HDAC9: variants seen among roughly 807,000 people sequenced by gnomAD.
HDAC9 encodes MEF-2 interacting transcription repressor (MITR) protein.
Under a neutral mutation model 139.4 loss-of-function variants are expected in HDAC9, and 41 were observed. That is an observed-to-expected ratio of 0.29 (90% CI 0.23 to 0.38). HDAC9 has a LOEUF of 0.38. Among genes scored for constraint, HDAC9 ranks in the 10% least tolerant of loss-of-function variants. The pLI, the probability that HDAC9 is intolerant of heterozygous loss-of-function variation, is 1.00. For missense variants in HDAC9, 1,147 were observed against 1,297.0 expected (o/e 0.88, Z 1.78); for synonymous variants, 517 against 476.2 (o/e 1.09, Z -1.12).
intron 2 of HDAC9, among the ~76,000 whole-genome samples, chr7:18,541,927 G>C (rs948725789): frequency 7.2e-5 from 11 of 152,090 alleles, no homozygotes; most frequent in African/African-American, 2.7e-4. Flanking sequence ...ACTTCCTACA[G>C]ATATATCCAT....
chr7:18,959,012 C>A (rs1178927292), intron 24 of HDAC9, among the ~76,000 whole-genome samples: 4 of 152,090 alleles, frequency 2.6e-5, no homozygotes, highest in Non-Finnish European at 5.9e-5. Flanking sequence ...ACGAGTCAGC[C>A]CAGAGTGAGA....
At chr7:18,144,618 A>G (rs1185797916) in intron 1 of HDAC9, among the ~76,000 whole-genome samples, 1 of 151,908 alleles carries the variant, frequency 6.6e-6, no homozygotes, top group Non-Finnish European at 1.5e-5. Flanking sequence ...TTTTCCCTAA[A>G]AGTTAACCCT....
intron 12 of HDAC9, among the ~76,000 whole-genome samples, chr7:18,685,406 A>G (rs565177929): frequency 3.3e-5 from 5 of 151,928 alleles, no homozygotes; most frequent in African/African-American, 7.2e-5. Flanking sequence ...TAGGTGTTCT[A>G]TGCCTCAGTT....
chr7:18,579,096 C>G (rs973472035), intron 2 of HDAC9, among the ~76,000 whole-genome samples: 10 of 152,116 alleles, frequency 6.6e-5, no homozygotes, highest in Admixed American at 5.9e-4. Flanking sequence ...TGGTATTGAT[C>G]AGAGTTTTAG....
At chr7:18,383,978 A>T (rs557726482) in intron 1 of HDAC9, among the ~76,000 whole-genome samples, 7 of 151,160 alleles carry the variant, frequency 4.6e-5, no homozygotes, top group African/African-American at 1.7e-4. Flanking sequence ...TACAAAACAT[A>T]CTGGGTATGT....
intron 1 of HDAC9, among the ~76,000 whole-genome samples, chr7:18,420,485 G>A (rs932808357): frequency 1.3e-5 from 2 of 152,138 alleles, no homozygotes; most frequent in Non-Finnish European, 2.9e-5. Flanking sequence ...TTTAGTTACA[G>A]CATTGTATCA....
intron 11 of HDAC9, among the ~76,000 whole-genome samples, chr7:18,656,325 T>C (rs1376347434): frequency 6.6e-6 from 1 of 152,096 alleles, no homozygotes; most frequent in Admixed American, 6.6e-5. Flanking sequence ...ATGGAATAAT[T>C]GATGATGTTC....
intron 1 of HDAC9, among the ~76,000 whole-genome samples, chr7:18,152,726 G>A (rs534136992): frequency 8.2e-4 from 125 of 152,312 alleles, no homozygotes; most frequent in Middle Eastern, 3.4e-3. Flanking sequence ...TTACATTCAA[G>A]CAGAGCTAAC....
rs1562482490 is a variant in HDAC9, at chr7:18,590,384, A to C, written c.313A>C (p.Lys105Gln). The change falls in exon 4 of 26, where the codon AAG becomes CAG. Residue 105 changes from lysine (K) to glutamine (Q), a missense_variant. By Grantham distance (53) the Lys-to-Gln change is moderately conservative. Transcript: ENST00000686413. ...AIKQQQELLEKEQKLEQQRQE... is the reference protein window; with the variant it reads ...AIKQQQELLEQEQKLEQQRQE... ...AAAACAGCAACAAGAACTCCTAGAA[A>C]AGGAGCAGAAACTGGAGCAGCAGAG... 1.2e-6 allele frequency: 2 copies of C among 1,611,702 alleles called. No individual in the cohort carries two copies. Among genetic ancestry groups the C allele is most frequent in the Non-Finnish European group, 1.7e-6 (2 of 1,178,848 alleles).
intron 22 of HDAC9, among the ~76,000 whole-genome samples, chr7:18,896,463 A>G (rs1801207974): frequency 6.6e-6 from 1 of 152,096 alleles, no homozygotes; most frequent in African/African-American, 2.4e-5. Flanking sequence ...CTGGCACCAC[A>G]TAACTAACCA....
intron 1 of HDAC9, among the ~76,000 whole-genome samples, chr7:18,369,127 C>T (rs771575896): frequency 3.3e-5 from 5 of 151,924 alleles, no homozygotes; most frequent in Non-Finnish European, 2.9e-5. Context: ...AAAGTATTTC[C>T]ACATATCTCT....
chr7:18,654,391 C>T (rs1035981093), intron 11 of HDAC9, among the ~76,000 whole-genome samples: 3 of 152,144 alleles, frequency 2.0e-5, no homozygotes, highest in Admixed American at 6.6e-5. Flanking sequence ...CATTTAAAAA[C>T]TATCAGCTCA....
intron 12 of HDAC9, among the ~76,000 whole-genome samples, chr7:18,705,052 T>A (rs1783778075): frequency 6.6e-6 from 1 of 152,232 alleles, no homozygotes; most frequent in South Asian, 2.1e-4. Flanking sequence ...CAATAATATA[T>A]GATTTTTTAA....
At chr7:18,135,370 T>C (rs1382153985) in intron 1 of HDAC9, among the ~76,000 whole-genome samples, 2 of 148,998 alleles carry the variant, frequency 1.3e-5, no homozygotes, top group African/African-American at 2.5e-5. Context: ...GTTACATATG[T>C]ATACATGTGC....
intron 6 of HDAC9, among the ~76,000 whole-genome samples, chr7:18,613,964 C>G (rs1349168680): frequency 1.3e-5 from 2 of 152,104 alleles, no homozygotes; most frequent in East Asian, 3.9e-4. Context: ...GCTCATGAAA[C>G]CTGAGGTTCC....
chr7:18,163,404 G>T (rs1445891138), intron 2 of HDAC9, among the ~76,000 whole-genome samples: 1 of 152,164 alleles, frequency 6.6e-6, no homozygotes, highest in Non-Finnish European at 1.5e-5. Flanking sequence ...AGTCTTTATT[G>T]CCTAGTGGTT....
chr7:18,093,881 C>A (rs983268412), intron 1 of HDAC9, among the ~76,000 whole-genome samples: 6 of 152,130 alleles, frequency 3.9e-5, no homozygotes, highest in Non-Finnish European at 8.8e-5. Context: ...ACTTAAATAT[C>A]TTCTTTAAAT....
intron 1 of HDAC9, among the ~76,000 whole-genome samples, chr7:18,096,883 TTGTGTGTGTG>T (rs59590063): frequency 2.8e-3 from 402 of 145,330 alleles, no homozygotes; most frequent in African/African-American, 9.2e-3. Context: ...CTTGTTGGCT[TTGTGTGTGTG>T]TGTGTGTGTG....
intron 2 of HDAC9, among the ~76,000 whole-genome samples, chr7:18,556,666 T>G (rs1302646243): frequency 6.6e-6 from 1 of 152,020 alleles, no homozygotes; most frequent in Non-Finnish European, 1.5e-5. Flanking sequence ...TGGAAGTAAA[T>G]TGAATATTTT....
Sources: gnomAD v4.1 joint callset for allele counts (sites outside exome capture counted in the v4.1 genomes callset) on GRCh38, gnomAD v4.1.1 for gene constraint, MANE v1.5 for transcripts, NCBI Gene and HGNC (gene_info 2026-07-23, HGNC 2026-07-21) for gene names.